The following ATP8B1 variants were observed in gnomAD, a reference collection of about 807,000 sequenced individuals.
ATP8B1 encodes phospholipid-transporting ATPase IC.
In ATP8B1, 80 loss-of-function variants were observed where a neutral mutation model predicts 149.9. That is an observed-to-expected ratio of 0.53 (90% confidence interval 0.45 to 0.64). ATP8B1 has a LOEUF of 0.64. Among genes scored for constraint, ATP8B1 ranks in the 30% least tolerant of loss-of-function variants. ATP8B1 has a pLI of 0.00. For synonymous variants in ATP8B1, 536 were observed against 562.8 expected (o/e 0.95, Z 0.67); for missense variants, 1,247 against 1,552.6 (o/e 0.80, Z 3.31).
At chr18:57,744,478 G>A (rs1414771700) in intron 1 of ATP8B1, among the ~76,000 whole-genome samples, 2 of 152,028 alleles carry the variant, frequency 1.3e-5, no homozygotes, top group Non-Finnish European at 2.9e-5. Context: ...TAAGAATGCT[G>A]TCATTTCCCC....
chr18:57,648,222 G>T lies in ATP8B1; in HGVS notation c.*266C>A. The T allele has an allele frequency of 1.8e-6, 1 of 552,268 alleles. No homozygotes were observed. Among genetic ancestry groups the T allele is most frequent in the African/African-American group, 1.9e-5 (1 of 52,910 alleles). The allele number at this position is 552,268 out of a possible 1,614,324, so 34.2% of individuals were successfully genotyped here. ...GCTGGTCTCGAACTCCTGGCCTCAGGTGATCTCCCCTCCTCAGCCTCCTAA... is the reference window on the plus strand; with the variant it reads ...GCTGGTCTCGAACTCCTGGCCTCAGTTGATCTCCCCTCCTCAGCCTCCTAA... On this transcript the variant is annotated 3_prime_UTR_variant, in exon 28 of 28. Coordinates refer to ENST00000648908, the MANE Select transcript of ATP8B1 (RefSeq NM_001374385.1).
intron 1 of ATP8B1, among the ~76,000 whole-genome samples, chr18:57,792,426 G>T (rs1238136948): frequency 6.6e-6 from 1 of 152,038 alleles, no homozygotes; most frequent in African/African-American, 2.4e-5. Flanking sequence ...GGGATTACAG[G>T]TGTGAGCCAC....
chr18:57,696,705 C>T (rs1021967419), intron 8 of ATP8B1, among the ~76,000 whole-genome samples: 8 of 152,258 alleles, frequency 5.3e-5, no homozygotes, highest in Admixed American at 2.6e-4. Flanking sequence ...AGCAATGTCC[C>T]GACTCTACCA....
chr18:57,697,801 A>G lies in ATP8B1; in HGVS notation c.621T>C (p.Phe207=), dbSNP rs767709778. The change falls in exon 7 of 28, where the codon TTT becomes TTC. Residue 207 remains phenylalanine (F), a synonymous_variant. Coordinates refer to ENST00000648908, the MANE Select transcript of ATP8B1 (RefSeq NM_001374385.1). The part of the protein sequence containing the change: ...GDVIRLKKND[F]VPADILLLSS... ...GCAGAATTTGTTCACTTACTGGAACAAAATCATTTTTTTTCAGACGAATGA... is the reference window on the plus strand; with the variant it reads ...GCAGAATTTGTTCACTTACTGGAACGAAATCATTTTTTTTCAGACGAATGA... 1 of 1,614,044 alleles carries G rather than the reference A, an allele frequency of 6.2e-7. No individual in the cohort carries two copies. The highest frequency in any genetic ancestry group is 1.1e-5 in the South Asian group (1 of 91,076).
In ATP8B1 at chr18:57,706,545, T is replaced by C; in HGVS notation, c.224A>G (p.Glu75Gly). ...QVKANDRKYH[E>G]QPHFMNTKFL... is the part of the protein sequence containing the mutation. Reference sequence around the variant, plus strand: ...TTTTGTGTTCATAAAGTGAGGTTGTTCGTGGTACTTGCGATCGTTTGCTTT... The same window carrying C: ...TTTTGTGTTCATAAAGTGAGGTTGTCCGTGGTACTTGCGATCGTTTGCTTT... The change falls in exon 3 of 28, where the codon GAA becomes GGA. Residue 75 changes from glutamate (E) to glycine (G), a missense_variant. Physicochemically the swap from Glu to Gly is moderately conservative, Grantham distance 98 (BLOSUM62 -2). Around this residue, in one of 3 missense-constraint regions of ATP8B1, gnomAD observed 853 missense variants for 1,035.7 expected, o/e 0.82. Transcript: ENST00000648908. The C allele has an allele frequency of 6.2e-7, 1 of 1,614,150 alleles. No individual in the cohort carries two copies. The highest frequency in any genetic ancestry group is 1.1e-5 in the South Asian group (1 of 91,056).
chr18:57,756,293 G>GTATATATATATATATACATATA (rs755702972), intron 1 of ATP8B1, among the ~76,000 whole-genome samples: 2 of 87,128 alleles, frequency 2.3e-5, no homozygotes, highest in African/African-American at 8.9e-5. Flanking sequence ...ATATATGTGT[G>GTATATATATATATATACATATA]TGTGTATGTA....
intron 1 of ATP8B1, among the ~76,000 whole-genome samples, chr18:57,768,586 C>A (rs1393144590): frequency 0.011 from 1,028 of 96,496 alleles, no homozygotes; most frequent in Middle Eastern, 0.017. Flanking sequence ...GTTTACATGC[C>A]AAAAAAAAAA....
At chr18:57,648,811 T>G in intron 27 of ATP8B1, 99 bp from the exon 28 acceptor site, 2 of 1,172,586 alleles carry the variant, frequency 1.7e-6, no homozygotes, top group Non-Finnish European at 2.4e-6. Context: ...TGAACTCCCC[T>G]GACACCTGCC....
chr18:57,782,803 C>CTTTTTTTTTTTTTTTTTTT lies in ATP8B1; in HGVS notation c.-26+20176_-26+20194dup, dbSNP rs79009229. On this transcript the variant is annotated intron_variant, in intron 1 of 27. Coordinates refer to ENST00000648908, the MANE Select transcript of ATP8B1 (RefSeq NM_001374385.1). ...GGCTCAGATTAATTCTAGTTTGTCTCTTTTTTTTTTTTTTTTTTTTTTTTT... is the reference window on the plus strand; with the variant it reads ...GGCTCAGATTAATTCTAGTTTGTCTCTTTTTTTTTTTTTTTTTTTTTTTTTTTTTTTTTTTTTTTTTTTT... Among the ~76,000 whole-genome samples the CTTTTTTTTTTTTTTTTTTT allele has an allele frequency of 7.7e-5, 7 of 91,178 alleles. 1 individual carries two copies. The highest frequency in any genetic ancestry group is 1.5e-4 in the Admixed American group (1 of 6,640). The allele number at this position is 91,178 out of a possible 152,430, so 59.8% of individuals were successfully genotyped here.
chr18:57,787,621 A>G (rs2080422913), intron 1 of ATP8B1, among the ~76,000 whole-genome samples: 1 of 152,182 alleles, frequency 6.6e-6, no homozygotes, highest in African/African-American at 2.4e-5. Flanking sequence ...CTTCTTTGTC[A>G]TGAGCTTCTT....
chr18:57,650,360 T>C lies in ATP8B1; in HGVS notation c.3531+7A>G, dbSNP rs1373952397. 2 of 1,612,514 alleles carry C rather than the reference T, an allele frequency of 1.2e-6. No individual in the cohort carries two copies. The highest frequency in any genetic ancestry group is 1.7e-6 in the Non-Finnish European group (2 of 1,178,998). On this transcript the variant is annotated splice_region_variant and intron_variant, in intron 27 of 27. Transcript: ENST00000648908. ...ACAGAGTTGGGAAAGGACTATATTC[T>C]TTATACCTTATCACTTTCTGATGGC...
chr18:57,757,861 G>A (rs1396908818), intron 1 of ATP8B1, among the ~76,000 whole-genome samples: 1 of 152,160 alleles, frequency 6.6e-6, no homozygotes, highest in Non-Finnish European at 1.5e-5. Flanking sequence ...ATAGAATACT[G>A]TGTTCGTAGC....
intron 2 of ATP8B1, among the ~76,000 whole-genome samples, chr18:57,726,256 A>T (rs1328117050): frequency 6.6e-6 from 1 of 152,120 alleles, no homozygotes; most frequent in Non-Finnish European, 1.5e-5. Context: ...CAACAAAAAA[A>T]CCACTTGGGA....
At chr18:57,771,638 C>G (rs1407373621) in intron 1 of ATP8B1, among the ~76,000 whole-genome samples, 1 of 152,144 alleles carries the variant, frequency 6.6e-6, no homozygotes, top group Non-Finnish European at 1.5e-5. Context: ...CATACAGCAG[C>G]AGGAGTTTCT....
chr18:57,669,199 G>T, intron 18 of ATP8B1, 119 bp downstream of exon 18: 1 of 1,089,344 alleles, frequency 9.2e-7, no homozygotes, highest in Non-Finnish European at 1.3e-6. Flanking sequence ...TTGTGCCAGT[G>T]TCAAATGCTG....
At chr18:57,720,163 A>G (rs2079628843) in intron 2 of ATP8B1, among the ~76,000 whole-genome samples, 1 of 149,880 alleles carries the variant, frequency 6.7e-6, no homozygotes, top group Non-Finnish European at 1.5e-5. Context: ...GAACAGAAAA[A>G]CTGGAAACTC....
intron 1 of ATP8B1, among the ~76,000 whole-genome samples, chr18:57,743,051 C>T (rs1391536835): frequency 6.6e-6 from 1 of 152,100 alleles, no homozygotes; most frequent in Admixed American, 6.6e-5. Context: ...AAAAGGCAGC[C>T]CCTTCCAGGA....
chr18:57,725,954 G>A (rs1021001892), intron 2 of ATP8B1, among the ~76,000 whole-genome samples: 1 of 152,204 alleles, frequency 6.6e-6, no homozygotes, highest in African/African-American at 2.4e-5. Context: ...GGAAGTCTGA[G>A]CATGGTGGCT....
chr18:57,766,270 C>G (rs1040348490), intron 1 of ATP8B1, among the ~76,000 whole-genome samples: 1 of 152,018 alleles, frequency 6.6e-6, no homozygotes, highest in Non-Finnish European at 1.5e-5. Context: ...GTCTCGAACT[C>G]CTGACCTCAG....
Sources: allele counts gnomAD v4.1 joint callset (sites outside exome capture counted in the v4.1 genomes callset), GRCh38; gene constraint gnomAD v4.1.1; regional missense constraint gnomAD v4.1.1; transcripts MANE v1.5; gene names NCBI Gene and HGNC (gene_info 2026-07-23, HGNC 2026-07-21).